The following COL6A6 variants were observed in gnomAD, a reference collection of about 807,000 sequenced individuals.
COL6A6 encodes the protein collagen alpha-6(VI) chain.
COL6A6 carries 183 observed loss-of-function variants against 208.6 expected under a neutral mutation model. The ratio of observed to expected loss-of-function variants is 0.88; its 90% CI spans 0.78 to 0.99. The LOEUF (loss-of-function observed/expected upper bound fraction) is 0.99, where lower values mean the gene tolerates loss of function less well. Among genes scored for constraint, COL6A6 ranks in the 50% least tolerant of loss-of-function variants. The pLI is 0.00. For synonymous variants in COL6A6, 973 were observed against 1,011.8 expected, an observed-to-expected ratio of 0.96 and a Z score of 0.73; for missense variants, 2,816 against 2,815.2, an observed-to-expected ratio of 1.00 and a Z score of -0.01.
intron 1 of COL6A6, among the ~76,000 whole-genome samples, chr3:130,537,034 T>C (rs1374930987): frequency 6.6e-6 from 1 of 152,212 alleles, no homozygotes; most frequent in East Asian, 1.9e-4. Context: ...AGTTAATTAT[T>C]CCTATGTTTC....
At chr3:130,674,166 G>A (rs6774090) in intron 36 of COL6A6, among the ~76,000 whole-genome samples, 29,218 of 152,118 alleles carry the variant, frequency 0.19, 3,084 homozygotes, top group South Asian at 0.35. Context: ...TGTAAAATAC[G>A]ATTGTCTGAA....
intron 25 of COL6A6, 33 bp downstream of exon 25, chr3:130,626,580 C>G: frequency 6.5e-7 from 1 of 1,529,648 alleles, no homozygotes; most frequent in Non-Finnish European, 9.1e-7. Flanking sequence ...TGATCGGATT[C>G]TTGGAATCTT....
intron 32 of COL6A6, among the ~76,000 whole-genome samples, chr3:130,647,632 A>G (rs985340954): frequency 1.3e-5 from 2 of 152,160 alleles, no homozygotes; most frequent in Non-Finnish European, 2.9e-5. Flanking sequence ...CAAGGACGGG[A>G]GGAGGTCATA....
At chr3:130,601,150 T>C (rs2064005451) in intron 20 of COL6A6, among the ~76,000 whole-genome samples, 1 of 152,236 alleles carries the variant, frequency 6.6e-6, no homozygotes, top group African/African-American at 2.4e-5. Context: ...TTCATTTTGC[T>C]AGGTTTTCTT....
Position 130,568,415 on chromosome 3 carries a change from G to A in COL6A6, c.2212G>A (p.Val738Ile), listed in dbSNP as rs762099335. 2 of 1,613,872 alleles carry A rather than the reference G, an allele frequency of 1.2e-6. No homozygotes were observed. Among genetic ancestry groups the A allele is most frequent in the African/African-American group, 2.7e-5 (2 of 74,912 alleles). Residue 738 changes from valine (V) to isoleucine (I), a missense_variant, in exon 6 of 37, where the codon GTA (valine) becomes ATA (isoleucine). Transcript: ENST00000358511. ...CACGGATGGTGAAGCTCAGGACATA[G>A]TAAAGGAACCAGCAGTAGTGCTTCG... is the stretch of plus-strand genomic sequence containing the variant. ...LITDGEAQDI[V>I]KEPAVVLRQE...
intron 35 of COL6A6, 102 bp downstream of exon 35, chr3:130,662,410 G>T: frequency 8.8e-7 from 1 of 1,132,510 alleles, no homozygotes; most frequent in Non-Finnish European, 1.3e-6. Context: ...CCTCTTGTCT[G>T]TCTTCAAGGG....
chr3:130,612,585 C>G (rs9837759), intron 23 of COL6A6, among the ~76,000 whole-genome samples: 19,102 of 152,186 alleles, frequency 0.13, 1,598 homozygotes, highest in African/African-American at 0.23. Flanking sequence ...GTTTGTTGTG[C>G]TTCTCTCCCT....
At chr3:130,604,367 C>T (rs541861791) in intron 20 of COL6A6, among the ~76,000 whole-genome samples, 403 of 152,086 alleles carry the variant, frequency 2.6e-3, no homozygotes, top group Non-Finnish European at 3.4e-3. Flanking sequence ...TGGTGGCGGG[C>T]GCCTGTAGTC....
chr3:130,614,171 G>T (rs892626815), intron 23 of COL6A6, among the ~76,000 whole-genome samples: 1 of 152,140 alleles, frequency 6.6e-6, no homozygotes, highest in Non-Finnish European at 1.5e-5. Context: ...TTATTATTTT[G>T]ATGTACATTC....
rs1207019409 is a variant in COL6A6 at position 130,563,792 on chromosome 3, C to T, written c.661+128C>T. The T allele has an allele frequency of 4.6e-6, 3 of 650,738 alleles. No homozygotes were observed. In the East Asian group the frequency reaches 8.2e-5, roughly 18 times the overall value. 40.3% of individuals were successfully genotyped at this position (650,738 alleles called of 1,614,324 possible). ...GCTGCATTTTCAGATGTTATGTACC[C>T]ATCGTTTAAGAGAGTCCAGTGATTA... is the stretch of plus-strand genomic sequence containing the variant. On this transcript the variant is annotated intron_variant, in intron 3 of 36. Transcript: ENST00000358511.
chr3:130,667,513 A>G (rs2066105269), intron 36 of COL6A6, among the ~76,000 whole-genome samples: 1 of 152,214 alleles, frequency 6.6e-6, no homozygotes, highest in Admixed American at 6.5e-5. Flanking sequence ...TGCTAGGATT[A>G]CAGGCGTGAG....
At position 130,665,083 on chromosome 3, in the gene COL6A6, C is replaced by T. The variant is rs748919181; in HGVS notation, c.6583C>T (p.Arg2195Ter). 34 of 1,608,260 alleles carry T rather than the reference C, an allele frequency of 2.1e-5. No individual in the cohort carries two copies. Among genetic ancestry groups the T allele is most frequent in the East Asian group, 6.7e-5 (3 of 44,738 alleles). ...LNSIDPKQPP[R>*]PFRSFVPGPL... ...CTCTATAGATCCAAAGCAGCCCCCACGACCATTCCGAAGGTACTGTCTGTT... is the reference window on the plus strand; with the variant it reads ...CTCTATAGATCCAAAGCAGCCCCCATGACCATTCCGAAGGTACTGTCTGTT... The change falls in exon 36 of 37, where the codon CGA (arginine) becomes TGA (stop). Residue 2195 changes from arginine to a stop codon, truncating the protein, a stop_gained. Coordinates refer to ENST00000358511, the MANE Select transcript of COL6A6 (RefSeq NM_001102608.3). LOFTEE classifies it low-confidence loss of function (END_TRUNC).
intron 8 of COL6A6, among the ~76,000 whole-genome samples, chr3:130,576,598 G>C (rs1231567747): frequency 1.3e-5 from 2 of 151,770 alleles, no homozygotes; most frequent in Admixed American, 6.6e-5. Context: ...AAAACCATGT[G>C]GAAAGTAAAA....
chr3:130,659,715 C>A (rs2065892037), intron 34 of COL6A6, among the ~76,000 whole-genome samples: 1 of 152,218 alleles, frequency 6.6e-6, no homozygotes. Flanking sequence ...AAAAACAGGT[C>A]TCATTCTTCT....
At chr3:130,608,661 T>A (rs1031941925) in intron 21 of COL6A6, among the ~76,000 whole-genome samples, 1 of 151,750 alleles carries the variant, frequency 6.6e-6, no homozygotes, top group Non-Finnish European at 1.5e-5. Flanking sequence ...CATGCATGCA[T>A]ATATATAAAG....
Position 130,673,225 on chromosome 3 carries a change from AAAAAC to A in COL6A6, c.6597-1971_6597-1967del, listed in dbSNP as rs1356365750. Among the ~76,000 whole-genome samples, 4 of 151,516 alleles carry A rather than the reference AAAAAC, an allele frequency of 2.6e-5. No individual in the cohort carries two copies. The East Asian group carries it at 5.8e-4, about 22-fold the overall frequency. On this transcript the variant is annotated intron_variant, in intron 36 of 36. Coordinates refer to ENST00000358511, the MANE Select transcript of COL6A6 (RefSeq NM_001102608.3). ...AAAAAAAACAAAAAAAACAAAAAAA[AAAAAC>A]AAAACCCAAGTGCAAACTCCTACAT...
At chr3:130,599,650 T>C (rs1012416061) in intron 19 of COL6A6, 107 bp from the exon 20 acceptor site, 1 of 1,046,428 alleles carries the variant, frequency 9.6e-7, no homozygotes, top group Admixed American at 2.0e-5. Flanking sequence ...AACTCTCTCA[T>C]TGGTGTGTGA....
intron 17 of COL6A6, 54 bp downstream of exon 17, chr3:130,593,306 A>G: frequency 7.2e-7 from 1 of 1,393,194 alleles, no homozygotes; most frequent in Non-Finnish European, 1.0e-6. Context: ...TAAGGGTGTG[A>G]TTAACAGAGT....
At chr3:130,588,317 G>GT (rs1210767116) in intron 11 of COL6A6, among the ~76,000 whole-genome samples, 1 of 152,188 alleles carries the variant, frequency 6.6e-6, no homozygotes, top group South Asian at 2.1e-4. Context: ...CCCCACTAAA[G>GT]TGAAGTATAA....
Sources: gnomAD v4.1 joint callset for allele counts (sites outside exome capture counted in the v4.1 genomes callset) on GRCh38, gnomAD v4.1.1 for gene constraint, MANE v1.5 for transcripts, NCBI Gene and HGNC (gene_info 2026-07-23, HGNC 2026-07-21) for gene names.